The following ERC1 variants were observed in gnomAD, a reference collection of about 807,000 sequenced individuals.
The protein encoded by ERC1 is RAB6 interacting protein 2.
In ERC1, 56 loss-of-function variants were observed where a neutral mutation model predicts 132.0. That is an observed-to-expected ratio of 0.42 (90% CI 0.34 to 0.53). The LOEUF is 0.53. Ranked by LOEUF, ERC1 falls within the 20% of genes least tolerant of loss-of-function variation. The pLI is 0.03. For missense variants in ERC1, 1,202 were observed against 1,349.9 expected (o/e 0.89, Z 1.72); for synonymous variants, 478 against 476.1 (o/e 1.00, Z -0.05).
At position 1,324,270 on chromosome 12, in the gene ERC1, A is replaced by G. The variant is rs2082305127; in HGVS notation, c.2780+34258A>G. ...AGTCTTCTCTCGTCATTGGCAGCTG[A>G]CAGACCTACTGATGAGGTGATAATG... On this transcript the variant is annotated intron_variant, in intron 15 of 18. Transcript: ENST00000360905. Among the ~76,000 whole-genome samples, 9 of 152,324 alleles carry G rather than the reference A, an allele frequency of 5.9e-5. No homozygotes were observed. In the South Asian group the frequency reaches 1.9e-3, roughly 32 times the overall value.
At chr12:1,382,261 A>T (rs879105452) in intron 16 of ERC1, among the ~76,000 whole-genome samples, 10 of 152,336 alleles carry the variant, frequency 6.6e-5, no homozygotes, top group Admixed American at 6.5e-4. Flanking sequence ...CTAGGGCTGT[A>T]TGGGCGAAGC....
chr12:1,072,530 A>G (rs1263857059), intron 2 of ERC1, among the ~76,000 whole-genome samples: 1 of 152,136 alleles, frequency 6.6e-6, no homozygotes, highest in African/African-American at 2.4e-5. Context: ...AGAGTCTCAG[A>G]CGCATCTTAT....
chr12:1,347,166 C>T (rs926873296), intron 15 of ERC1, among the ~76,000 whole-genome samples: 16 of 152,078 alleles, frequency 1.1e-4, no homozygotes, highest in African/African-American at 3.6e-4. Context: ...TACTAGCGTA[C>T]ATTTTAGGTA....
chr12:1,005,561 T>C (rs968292785), intron 1 of ERC1, among the ~76,000 whole-genome samples: 3 of 152,328 alleles, frequency 2.0e-5, no homozygotes, highest in African/African-American at 7.2e-5. Flanking sequence ...TTATTGGCTA[T>C]TTCATGTGAT....
chr12:1,030,825 C>T (rs1967884022), intron 2 of ERC1, among the ~76,000 whole-genome samples: 1 of 152,162 alleles, frequency 6.6e-6, no homozygotes. Context: ...GTTACAGTTG[C>T]CTACAGTATT....
chr12:1,066,850 A>AT (rs1939302134), intron 2 of ERC1, among the ~76,000 whole-genome samples: 1 of 151,734 alleles, frequency 6.6e-6, no homozygotes. Flanking sequence ...AAAAAAAAAA[A>AT]AAAATTAGCA....
chr12:1,277,878 GAT>G (rs1263951015), intron 14 of ERC1, among the ~76,000 whole-genome samples: 1 of 152,208 alleles, frequency 6.6e-6, no homozygotes, highest in Admixed American at 6.5e-5. Context: ...GTACCTAAGA[GAT>G]ATGACAGTTC....
intron 8 of ERC1, among the ~76,000 whole-genome samples, chr12:1,159,401 C>T (rs1951687837): frequency 6.6e-6 from 1 of 152,126 alleles, no homozygotes; most frequent in Non-Finnish European, 1.5e-5. Flanking sequence ...ACTGATCTGA[C>T]AGGAGGTGGA....
At chr12:1,314,476 C>T (rs372940140) in intron 15 of ERC1, among the ~76,000 whole-genome samples, 12 of 152,174 alleles carry the variant, frequency 7.9e-5, no homozygotes, top group South Asian at 6.2e-4. Flanking sequence ...AAGTAGTAAA[C>T]GAGGGCAACT....
intron 1 of ERC1, among the ~76,000 whole-genome samples, chr12:1,006,862 A>G (rs1790429617): frequency 6.6e-6 from 1 of 151,892 alleles, no homozygotes; most frequent in Admixed American, 6.6e-5. Context: ...TAGTTGTTCA[A>G]GAGTACATAT....
intron 8 of ERC1, among the ~76,000 whole-genome samples, chr12:1,156,173 TAATTTAACTA>T (rs1951374776): frequency 6.6e-6 from 1 of 152,196 alleles, no homozygotes; most frequent in Non-Finnish European, 1.5e-5. Context: ...ACTTCTACCA[TAATTTAACTA>T]AATTTAACCT....
intron 12 of ERC1, among the ~76,000 whole-genome samples, chr12:1,215,396 C>T (rs1449116662): frequency 6.6e-6 from 1 of 152,106 alleles, no homozygotes; most frequent in Non-Finnish European, 1.5e-5. Flanking sequence ...GTAATAAGTA[C>T]CATGAGTGCA....
chr12:1,384,031 C>T (rs1000467129), intron 16 of ERC1, among the ~76,000 whole-genome samples: 1 of 152,218 alleles, frequency 6.6e-6, no homozygotes, highest in Non-Finnish European at 1.5e-5. Context: ...AGCTGACACT[C>T]CTGATCACTA....
At chr12:1,409,735 G>T (rs1565376105) in intron 17 of ERC1, among the ~76,000 whole-genome samples, 1 of 152,088 alleles carries the variant, frequency 6.6e-6, no homozygotes, top group Non-Finnish European at 1.5e-5. Flanking sequence ...TTGAGATGGA[G>T]TCTTGCTGCG....
At chr12:1,484,095 G>A (rs1166419323) in intron 18 of ERC1, among the ~76,000 whole-genome samples, 7 of 128,262 alleles carry the variant, frequency 5.5e-5, no homozygotes, top group Admixed American at 3.0e-4. Flanking sequence ...CACGAGGTCA[G>A]GAGATCAAGA....
At chr12:1,154,302 C>G (rs531806603) in intron 8 of ERC1, among the ~76,000 whole-genome samples, 11 of 147,068 alleles carry the variant, frequency 7.5e-5, no homozygotes, top group African/African-American at 2.8e-4. Flanking sequence ...CACACACGTG[C>G]ATATATATGT....
At chr12:1,012,534 G>A (rs983309522) in intron 1 of ERC1, among the ~76,000 whole-genome samples, 2 of 143,570 alleles carry the variant, frequency 1.4e-5, no homozygotes, top group East Asian at 2.0e-4. Flanking sequence ...GTGTTGTGGC[G>A]TGATCTTGGC....
intron 14 of ERC1, among the ~76,000 whole-genome samples, chr12:1,278,466 G>GGTGGC (rs2078437083): frequency 6.6e-6 from 1 of 151,966 alleles, no homozygotes; most frequent in African/African-American, 2.4e-5. Context: ...AAATTTCATA[G>GGTGGC]TATTGTTGTA....
intron 18 of ERC1, among the ~76,000 whole-genome samples, chr12:1,450,489 G>A (rs766869252): frequency 6.6e-6 from 1 of 152,124 alleles, no homozygotes; most frequent in Non-Finnish European, 1.5e-5. Context: ...TCAGAATTTC[G>A]TTCCTTTTTA....
Sources: gnomAD v4.1 joint callset for allele counts (sites outside exome capture counted in the v4.1 genomes callset) on GRCh38, gnomAD v4.1.1 for gene constraint, MANE v1.5 for transcripts, NCBI Gene and HGNC (gene_info 2026-07-23, HGNC 2026-07-21) for gene names.